LEKR1: variants seen among roughly 807,000 people sequenced by gnomAD.
LEKR1 encodes leucine, glutamate and lysine rich 1, also known as protein LEKR1.
LEKR1 carries 59 observed loss-of-function variants against 72.4 expected under a neutral mutation model. That is an observed-to-expected ratio of 0.82 (90% CI 0.66 to 1.01). The LOEUF (loss-of-function observed/expected upper bound fraction) is 1.01. LEKR1 is among the 50% of genes least tolerant of loss of function. The pLI is 0.00. For missense variants in LEKR1, 728 were observed against 759.2 expected, an observed-to-expected ratio of 0.96 and a Z score of 0.48; for synonymous variants, 257 against 263.2, an observed-to-expected ratio of 0.98 and a Z score of 0.23.
At chr3:156,965,910 A>C (rs1320891601) in intron 6 of LEKR1, among the ~76,000 whole-genome samples, 2 of 152,188 alleles carry the variant, frequency 1.3e-5, no homozygotes, top group African/African-American at 2.4e-5. Flanking sequence ...TCATTATAAA[A>C]ATTTTAAATG....
chr3:156,957,040 T>A (rs1466547938), intron 6 of LEKR1, among the ~76,000 whole-genome samples: 1 of 151,996 alleles, frequency 6.6e-6, no homozygotes, highest in Admixed American at 6.6e-5. Context: ...CCCACAGAAA[T>A]GTTTGTGATT....
chr3:156,916,732 T>G (rs1723689580), intron 3 of LEKR1, among the ~76,000 whole-genome samples: 1 of 152,156 alleles, frequency 6.6e-6, no homozygotes, highest in South Asian at 2.1e-4. Context: ...CTCTTCCTAT[T>G]TGGATGTACT....
chr3:157,018,883 T>G (rs1020749772), intron 10 of LEKR1, among the ~76,000 whole-genome samples: 2 of 152,202 alleles, frequency 1.3e-5, no homozygotes, highest in Non-Finnish European at 2.9e-5. Flanking sequence ...GTGAACATTC[T>G]CTCCTTCCAA....
At chr3:156,968,159 C>T (rs1266419903) in intron 6 of LEKR1, among the ~76,000 whole-genome samples, 4 of 152,088 alleles carry the variant, frequency 2.6e-5, no homozygotes, top group African/African-American at 7.2e-5. Context: ...CAGTACCAGC[C>T]GCTGCAAAAA....
At chr3:156,940,021 TG>T (rs1258103833) in intron 5 of LEKR1, among the ~76,000 whole-genome samples, 3 of 152,162 alleles carry the variant, frequency 2.0e-5, no homozygotes, top group Non-Finnish European at 4.4e-5. Flanking sequence ...TTTAAAAATG[TG>T]GAGCTCAAAA....
chr3:157,021,114 T>G (rs1451906831), intron 10 of LEKR1, among the ~76,000 whole-genome samples: 1 of 152,038 alleles, frequency 6.6e-6, no homozygotes, highest in African/African-American at 2.4e-5. Flanking sequence ...TCACCCACTT[T>G]TTGATGGGGT....
At chr3:156,899,046 CA>C (rs1721499604) in intron 3 of LEKR1, among the ~76,000 whole-genome samples, 2 of 151,960 alleles carry the variant, frequency 1.3e-5, no homozygotes, top group Admixed American at 1.3e-4. Flanking sequence ...CTATTTTTGC[CA>C]GCTGTGTGAA....
intron 3 of LEKR1, among the ~76,000 whole-genome samples, chr3:156,884,794 A>G (rs920370951): frequency 9.9e-5 from 15 of 152,064 alleles, no homozygotes; most frequent in Non-Finnish European, 2.1e-4. Flanking sequence ...CCCAGGTGTT[A>G]TTTGTGCTTC....
At chr3:156,943,443 A>T (rs1197614949) in intron 6 of LEKR1, among the ~76,000 whole-genome samples, 1 of 151,954 alleles carries the variant, frequency 6.6e-6, no homozygotes, top group Non-Finnish European at 1.5e-5. Context: ...ATCTGTTCTC[A>T]TAACGACCAT....
intron 11 of LEKR1, among the ~76,000 whole-genome samples, chr3:157,026,228 G>C (rs996868781): frequency 6.6e-6 from 1 of 151,986 alleles, no homozygotes; most frequent in Non-Finnish European, 1.5e-5. Context: ...AGGCTCCACC[G>C]AGTCTCCCCC....
At chr3:156,843,971 T>C (rs1457830190) in intron 2 of LEKR1, among the ~76,000 whole-genome samples, 1 of 152,096 alleles carries the variant, frequency 6.6e-6, no homozygotes, top group Non-Finnish European at 1.5e-5. Context: ...AGGTAGTTCA[T>C]TAGAAAAAGC....
At chr3:157,012,762 T>G (rs1732995450) in intron 10 of LEKR1, among the ~76,000 whole-genome samples, 1 of 152,090 alleles carries the variant, frequency 6.6e-6, no homozygotes, top group South Asian at 2.1e-4. Flanking sequence ...TCATTCTTAT[T>G]TTGTTTTATT....
intron 3 of LEKR1, among the ~76,000 whole-genome samples, chr3:156,867,437 G>A (rs1186549607): frequency 1.3e-5 from 2 of 152,042 alleles, no homozygotes; most frequent in African/African-American, 4.8e-5. Context: ...TGGTGCAAAA[G>A]TAACTGAGGT....
At chr3:157,003,274 A>T (rs1310880810) in intron 9 of LEKR1, among the ~76,000 whole-genome samples, 33 of 152,214 alleles carry the variant, frequency 2.2e-4, no homozygotes, top group Non-Finnish European at 2.9e-5. Context: ...GCTGCTCCTT[A>T]GCTTGATCAA....
At chr3:156,829,863 G>T (rs1475766864) in intron 2 of LEKR1, among the ~76,000 whole-genome samples, 1 of 152,020 alleles carries the variant, frequency 6.6e-6, no homozygotes, top group Admixed American at 6.6e-5. Context: ...ATTTGGAATG[G>T]TTTGAAAAAA....
At chr3:156,832,916 CA>C (rs1712607928) in intron 2 of LEKR1, among the ~76,000 whole-genome samples, 1 of 152,046 alleles carries the variant, frequency 6.6e-6, no homozygotes, top group African/African-American at 2.4e-5. Context: ...AAAAACAAAG[CA>C]AAACAAAAAA....
At chr3:156,839,468 C>T (rs909193222) in intron 2 of LEKR1, among the ~76,000 whole-genome samples, 1 of 152,146 alleles carries the variant, frequency 6.6e-6, no homozygotes, top group Non-Finnish European at 1.5e-5. Flanking sequence ...GAAAACTGTC[C>T]AGACGTTGTG....
chr3:156,918,810 G>T (rs1395136492), intron 3 of LEKR1, among the ~76,000 whole-genome samples: 1 of 152,144 alleles, frequency 6.6e-6, no homozygotes, highest in Non-Finnish European at 1.5e-5. Flanking sequence ...GGGAATTGGG[G>T]TAGAAGCACA....
intron 6 of LEKR1, among the ~76,000 whole-genome samples, chr3:156,962,096 T>C (rs1728181360): frequency 6.6e-6 from 1 of 152,336 alleles, no homozygotes; most frequent in East Asian, 1.9e-4. Context: ...AAAAGGTTAC[T>C]GAAGAAGAGA....
Sources: allele counts gnomAD v4.1 joint callset (sites outside exome capture counted in the v4.1 genomes callset), GRCh38; gene constraint gnomAD v4.1.1; transcripts MANE v1.5; gene names NCBI Gene and HGNC (gene_info 2026-07-23, HGNC 2026-07-21).